Variants in BICC1 observed in about 807,000 individuals in gnomAD.
BICC1 encodes protein bicaudal C homolog 1.
Under a neutral mutation model 111.0 loss-of-function variants are expected in BICC1, and 43 were observed. The observed-to-expected ratio is 0.39, with a 90% CI of 0.30 to 0.50. The LOEUF (loss-of-function observed/expected upper bound fraction) is 0.50. Ranked by LOEUF, BICC1 falls within the 20% of genes least tolerant of loss-of-function variation. BICC1 has a pLI of 0.88. For missense variants in BICC1, 1,091 were observed against 1,203.2 expected (o/e 0.91, Z 1.38); for synonymous variants, 467 against 434.4 (o/e 1.07, Z -0.93).
intron 2 of BICC1, among the ~76,000 whole-genome samples, chr10:58,686,564 T>G (rs1477076339): frequency 6.7e-6 from 1 of 148,720 alleles, no homozygotes; most frequent in Non-Finnish European, 1.5e-5. Context: ...TTGTTCATCA[T>G]GTCTTTTTAC....
At chr10:58,667,718 G>C (rs12265884) in intron 2 of BICC1, among the ~76,000 whole-genome samples, 300 of 152,022 alleles carry the variant, frequency 2.0e-3, no homozygotes, top group African/African-American at 7.1e-3. Flanking sequence ...GTAACTACAG[G>C]GTTCACTTGA....
chr10:58,541,513 C>T (rs1004961661), intron 1 of BICC1, among the ~76,000 whole-genome samples: 2 of 152,198 alleles, frequency 1.3e-5, no homozygotes, highest in East Asian at 1.9e-4. Context: ...CGAAACACTT[C>T]TACACTGAAA....
intron 1 of BICC1, among the ~76,000 whole-genome samples, chr10:58,576,235 C>T (rs927320886): frequency 1.3e-5 from 2 of 152,086 alleles, no homozygotes; most frequent in African/African-American, 4.8e-5. Flanking sequence ...TTTCAAAATT[C>T]CAGTGGAATG....
intron 1 of BICC1, among the ~76,000 whole-genome samples, chr10:58,600,385 T>G (rs1436763164): frequency 6.6e-6 from 1 of 152,052 alleles, no homozygotes; most frequent in Non-Finnish European, 1.5e-5. Context: ...AATGGAGAGA[T>G]TCAGGCTGTC....
chr10:58,775,093 C>T (rs1189591810), intron 3 of BICC1, among the ~76,000 whole-genome samples: 1 of 152,090 alleles, frequency 6.6e-6, no homozygotes, highest in Non-Finnish European at 1.5e-5. Context: ...TATTTAAGGG[C>T]TGGGTGCGGT....
rs576079002 is a variant in BICC1, at chr10:58,758,051, A to G, written c.308-26950A>G. ...TACTGACACTTAACACATTTGCAGT[A>G]TTTTTCCTTCTACTATCTTAAAAAA... On this transcript the variant is annotated intron_variant, in intron 3 of 20. Transcript: ENST00000373886. Among the ~76,000 whole-genome samples, 3 of 152,208 alleles carry G rather than the reference A, an allele frequency of 2.0e-5. No homozygotes were observed. In the South Asian group the frequency reaches 6.2e-4, roughly 32 times the overall value.
intron 20 of BICC1, among the ~76,000 whole-genome samples, chr10:58,825,507 T>A (rs1844369338): frequency 6.6e-6 from 1 of 152,198 alleles, no homozygotes; most frequent in South Asian, 2.1e-4. Context: ...TTATAACATG[T>A]TAAAATTTAT....
intron 2 of BICC1, among the ~76,000 whole-genome samples, chr10:58,653,867 T>A (rs1182413767): frequency 1.5e-5 from 2 of 137,634 alleles, no homozygotes; most frequent in Non-Finnish European, 3.1e-5. Flanking sequence ...GAGTGTGATA[T>A]TCCCCTTCCT....
chr10:58,600,155 A>G (rs1055020598), intron 1 of BICC1, among the ~76,000 whole-genome samples: 2 of 152,100 alleles, frequency 1.3e-5, no homozygotes, highest in East Asian at 3.8e-4. Context: ...CTCACAGTTC[A>G]TACAGCAGCA....
chr10:58,802,074 A>G (rs1843564222), intron 14 of BICC1, among the ~76,000 whole-genome samples: 2 of 152,112 alleles, frequency 1.3e-5, no homozygotes, highest in African/African-American at 4.8e-5. Context: ...TGCTTCAGCA[A>G]TTTACTTTCG....
chr10:58,532,190 C>G (rs1842699167), intron 1 of BICC1, among the ~76,000 whole-genome samples: 1 of 151,556 alleles, frequency 6.6e-6, no homozygotes, highest in South Asian at 2.1e-4. Context: ...GTGGTATATA[C>G]AGAGACTTTC....
intron 2 of BICC1, among the ~76,000 whole-genome samples, chr10:58,622,735 G>T (rs918172521): frequency 6.6e-6 from 1 of 152,116 alleles, no homozygotes; most frequent in African/African-American, 2.4e-5. Flanking sequence ...ATTTTGACTG[G>T]ACAGAAGTAG....
At chr10:58,525,233 A>G (rs1197437241) in intron 1 of BICC1, among the ~76,000 whole-genome samples, 3 of 116,492 alleles carry the variant, frequency 2.6e-5, no homozygotes, top group Non-Finnish European at 6.0e-5. Flanking sequence ...AAGGATTATA[A>G]ATCATGCTGC....
At chr10:58,654,132 C>T (rs1274585750) in intron 2 of BICC1, among the ~76,000 whole-genome samples, 1 of 128,800 alleles carries the variant, frequency 7.8e-6, no homozygotes, top group East Asian at 2.4e-4. Context: ...AATAATGCCG[C>T]AATAAACATA....
chr10:58,580,986 T>C (rs147496212), intron 1 of BICC1, among the ~76,000 whole-genome samples: 2 of 152,340 alleles, frequency 1.3e-5, no homozygotes, highest in East Asian at 3.9e-4. Context: ...GAAGAGGGGT[T>C]GGTATTCAGG....
Position 58,795,020 on chromosome 10 carries a change from G to A in BICC1, c.1180-1320G>A, listed in dbSNP as rs185392082. On this transcript the variant is annotated intron_variant, in intron 9 of 20. Coordinates refer to ENST00000373886, the MANE Select transcript of BICC1 (RefSeq NM_001080512.3). ...ATGTCTGTACATTTTTAAGTATAAAGCATTGTTTAGAAGGATGCACACAAA... is the reference window on the plus strand; with the variant it reads ...ATGTCTGTACATTTTTAAGTATAAAACATTGTTTAGAAGGATGCACACAAA... Among the ~76,000 whole-genome samples the A allele has an allele frequency of 1.3e-4, 20 of 152,222 alleles. No individual in the cohort carries two copies. In the East Asian group the frequency reaches 2.9e-3, roughly 22 times the overall value.
At chr10:58,772,473 T>TA (rs1156640374) in intron 3 of BICC1, among the ~76,000 whole-genome samples, 1 of 152,158 alleles carries the variant, frequency 6.6e-6, no homozygotes, top group African/African-American at 2.4e-5. Context: ...GACATTATAT[T>TA]AAAAAATATA....
At chr10:58,535,367 TAGCAGACTAAC>T (rs1490783280) in intron 1 of BICC1, among the ~76,000 whole-genome samples, 5 of 147,566 alleles carry the variant, frequency 3.4e-5, no homozygotes, top group Non-Finnish European at 6.0e-5. Flanking sequence ...AAGGAAAACC[TAGCAGACTAAC>T]AGCAGACTTC....
chr10:58,529,213 T>C (rs913228139), intron 1 of BICC1, among the ~76,000 whole-genome samples: 1 of 151,918 alleles, frequency 6.6e-6, no homozygotes, highest in African/African-American at 2.4e-5. Context: ...TTCCTTTTCC[T>C]CTGCTAACAT....
Sources: allele counts gnomAD v4.1 joint callset (sites outside exome capture counted in the v4.1 genomes callset), GRCh38; gene constraint gnomAD v4.1.1; transcripts MANE v1.5; gene names NCBI Gene and HGNC (gene_info 2026-07-23, HGNC 2026-07-21).